Variants in ZIC2 observed in about 807,000 individuals in gnomAD.
The protein encoded by ZIC2 is zinc finger protein ZIC 2.
A neutral mutation model predicts 29.5 loss-of-function variants in ZIC2; 7 were observed. The ratio of observed to expected loss-of-function variants is 0.24; its 90% CI spans 0.14 to 0.45. ZIC2 has a LOEUF of 0.45. Among genes scored for constraint, ZIC2 ranks in the 20% least tolerant of loss-of-function variants. ZIC2 has a pLI of 1.00. For missense variants in ZIC2, 589 were observed against 781.2 expected (o/e 0.75, Z 2.93); for synonymous variants, 408 against 354.2 (o/e 1.15, Z -1.70).
chr13:99,986,520 G>A lies in ZIC2; in HGVS notation c.*838G>A, dbSNP rs1241192844. On this transcript the variant is annotated 3_prime_UTR_variant, in exon 3 of 3. Coordinates refer to ENST00000376335, the MANE Select transcript of ZIC2 (RefSeq NM_007129.5). ...AAACGTCGTGCCGTTAGCTTTTTCC[G>A]TAATAACACCCTTCCTTCTGTAAAT... 6.5e-6 allele frequency: 1 copy of A among 154,008 alleles called. No homozygotes were observed. Among genetic ancestry groups the A allele is most frequent in the Non-Finnish European group, 1.5e-5 (1 of 68,962 alleles). 9.5% of individuals were successfully genotyped at this position (154,008 alleles called of 1,614,324 possible). A position where few individuals can be genotyped will look rare whatever the true frequency, so the allele number is the denominator to read the frequency against.
chr13:99,981,956 C>G lies in ZIC2; in HGVS notation c.-109C>G, dbSNP rs1386737201. The stretch of plus-strand genomic sequence containing the variant: ...GGGCTGAAGTGGCCGCCACCACCGC[C>G]GCCTGCGCCTGGAGCCCGGTGGCCG... On this transcript the variant is annotated 5_prime_UTR_variant, in exon 1 of 3. Coordinates refer to ENST00000376335, the MANE Select transcript of ZIC2 (RefSeq NM_007129.5). The G allele has an allele frequency of 1.7e-6, 2 of 1,175,640 alleles. No individual in the cohort carries two copies. Among genetic ancestry groups the G allele is most frequent in the Non-Finnish European group, 2.1e-6 (2 of 953,918 alleles). The allele number at this position is 1,175,640 out of a possible 1,614,324, so 72.8% of individuals were successfully genotyped here. A position where few individuals can be genotyped will look rare whatever the true frequency, so the allele number is the denominator to read the frequency against.
Position 99,985,689 on chromosome 13 carries a change from G to A in ZIC2, c.*7G>A, listed in dbSNP as rs747658092. 8 of 1,339,016 alleles carry A rather than the reference G, an allele frequency of 6.0e-6. No homozygotes were observed. In the South Asian group the frequency reaches 6.4e-5, roughly 11 times the overall value. The allele number at this position is 1,339,016 out of a possible 1,614,324, so 82.9% of individuals were successfully genotyped here. ...CAATGAATGGTACGTGTGACGGGTC[G>A]GGGCCTCTCTCCCTCTCCCTGTCCC... On this transcript the variant is annotated 3_prime_UTR_variant, in exon 3 of 3. Transcript: ENST00000376335. The surrounding 1 kb of genome is among the most constrained non-coding windows in gnomAD (Gnocchi z 6.3).
chr13:99,981,981 G>T lies in ZIC2; in HGVS notation c.-84G>T. On this transcript the variant is annotated 5_prime_UTR_variant, in exon 1 of 3. Transcript: ENST00000376335. The stretch of plus-strand genomic sequence containing the variant: ...CGCCTGCGCCTGGAGCCCGGTGGCC[G>T]CCGGACGCACCGCGCGGATCGGGAG... The T allele has an allele frequency of 8.4e-7, 1 of 1,194,056 alleles. No homozygotes were observed. Among genetic ancestry groups the T allele is most frequent in the Non-Finnish European group, 1.0e-6 (1 of 965,404 alleles). 74.0% of individuals were successfully genotyped at this position (1,194,056 alleles called of 1,614,324 possible).
chr13:99,982,566 C>T lies in ZIC2; in HGVS notation c.502C>T (p.Pro168Ser). Reference sequence around the variant, plus strand: ...CCCGGGCCTGCCAGAGCAGCACGGGCCGCACGGCTCGCAGAATGTGCTCAA... The same window carrying T: ...CCCGGGCCTGCCAGAGCAGCACGGGTCGCACGGCTCGCAGAATGTGCTCAA... Reference protein sequence around the residue: ...LFPGLPEQHGPHGSQNVLNGQ... With the variant: ...LFPGLPEQHGSHGSQNVLNGQ... The change falls in exon 1 of 3, where the codon CCG becomes TCG. Residue 168 changes from proline to serine, a missense_variant. Pro to Ser is a moderately conservative substitution (Grantham distance 74, BLOSUM62 -1). Transcript: ENST00000376335. The T allele has an allele frequency of 6.4e-7, 1 of 1,558,448 alleles. No individual in the cohort carries two copies. Among genetic ancestry groups the T allele is most frequent in the Non-Finnish European group, 8.6e-7 (1 of 1,157,356 alleles).
rs1396170086 is a variant in ZIC2 at position 99,983,621 on chromosome 13, A to G, written c.1075+482A>G. On this transcript the variant is annotated intron_variant, in intron 1 of 2. Transcript: ENST00000376335. This position sits in a 1 kb window ranked among gnomAD's most constrained non-coding sequence, Gnocchi z 4.7. ...CCTTCCCGGGACTGTTTCCCATGAAATGAGTCTGGTGTGAGCCGAAGCTGT... is the reference window on the plus strand; with the variant it reads ...CCTTCCCGGGACTGTTTCCCATGAAGTGAGTCTGGTGTGAGCCGAAGCTGT... Among the ~76,000 whole-genome samples, 2 of 151,788 alleles carry G rather than the reference A, an allele frequency of 1.3e-5. No individual in the cohort carries two copies. The highest frequency in any genetic ancestry group is 2.9e-5 in the Non-Finnish European group (2 of 67,986).
chr13:99,985,832 T>A lies in ZIC2; in HGVS notation c.*150T>A, dbSNP rs1265586028. 1.6e-5 allele frequency: 5 copies of A among 317,822 alleles called. No individual in the cohort carries two copies. Among genetic ancestry groups the A allele is most frequent in the African/African-American group, 9.1e-5 (3 of 32,818 alleles). The allele number at this position is 317,822 out of a possible 1,614,324, so 19.7% of individuals were successfully genotyped here. A position where few individuals can be genotyped will look rare whatever the true frequency, so the allele number is the denominator to read the frequency against. On this transcript the variant is annotated 3_prime_UTR_variant, in exon 3 of 3. Coordinates refer to ENST00000376335, the MANE Select transcript of ZIC2 (RefSeq NM_007129.5). The surrounding 1 kb of genome is among the most constrained non-coding windows in gnomAD (Gnocchi z 6.3). ...AAATTTTACCAGCAGAAGGATTTTT[T>A]AAAGTTTTTTTTTTTTTTTTAATAA...
At position 99,982,617 on chromosome 13, in the gene ZIC2, G is replaced by A. The variant is rs543003846; in HGVS notation, c.553G>A (p.Gly185Ser). The A allele has an allele frequency of 2.0e-5, 32 of 1,590,646 alleles. 1 individual carries two copies. The South Asian group carries it at 3.1e-4, about 15-fold the overall frequency. ...CGGGCAGATGCGCCTCGGGCTGCCC[G>A]GCGAGGTGTTCGGGCGCTCGGAGCA... is the stretch of plus-strand genomic sequence containing the variant. The part of the protein sequence containing the change: ...LNGQMRLGLP[G>S]EVFGRSEQYR... The change falls in exon 1 of 3, where the codon GGC (glycine) becomes AGC (serine). Residue 185 changes from glycine to serine, a missense_variant. Around this residue, in one of 7 missense-constraint regions of ZIC2, gnomAD observed 358 missense variants for 382.0 expected, o/e 0.94. Transcript: ENST00000376335.
rs2053262868 is a variant in ZIC2, at chr13:99,985,562, C to CGGCAGT, written c.1483_1488dup (p.Ser495_Gly496dup). The CGGCAGT allele has an allele frequency of 2.0e-6, 2 of 985,988 alleles. No homozygotes were observed. Among genetic ancestry groups the CGGCAGT allele is most frequent in the Non-Finnish European group, 2.4e-6 (2 of 831,068 alleles). 61.1% of individuals were successfully genotyped at this position (985,988 alleles called of 1,614,324 possible). A position where few individuals can be genotyped will look rare whatever the true frequency, so the allele number is the denominator to read the frequency against. ...CGGGAGGCGGCTCAGGCGGCGGCAG[C>CGGCAGT]GGCAGTGGCGGGGGCGGCGGCGGGG... On this transcript the variant is annotated inframe_insertion, in exon 3 of 3. Coordinates refer to ENST00000376335, the MANE Select transcript of ZIC2 (RefSeq NM_007129.5). This position sits in a 1 kb window ranked among gnomAD's most constrained non-coding sequence, Gnocchi z 6.3.
Position 99,985,496 on chromosome 13 carries a change from G to A in ZIC2, c.1413G>A (p.Val471=), listed in dbSNP as rs1283443538. The change falls in exon 3 of 3, where the codon GTG becomes GTA. Residue 471 remains valine, a synonymous_variant. Coordinates refer to ENST00000376335, the MANE Select transcript of ZIC2 (RefSeq NM_007129.5). The surrounding 1 kb of genome is among the most constrained non-coding windows in gnomAD (Gnocchi z 6.3). ...AAAAAAAAAA[V]SAVHRGGGSG... is the part of the protein sequence containing the mutation. ...CGGCTGCGGCGGCGGCGGCCGCGGT[G>A]TCCGCGGTGCACCGGGGCGGAGGCT... The A allele has an allele frequency of 2.3e-5, 28 of 1,215,276 alleles. No individual in the cohort carries two copies. The highest frequency in any genetic ancestry group is 2.8e-5 in the Non-Finnish European group (28 of 984,556). The allele number at this position is 1,215,276 out of a possible 1,614,324, so 75.3% of individuals were successfully genotyped here.
chr13:99,984,434 C>G (rs41281116), intron 1 of ZIC2: 29,768 of 193,138 alleles, frequency 0.15, 2,718 homozygotes, highest in African/African-American at 0.26. Flanking sequence ...GTGGTTAATT[C>G]AATTTGCAGA....
chr13:99,982,303 A>G lies in ZIC2; in HGVS notation c.239A>G (p.Gln80Arg). ...SPGQSSAFTS[Q>R]GPGAYPGSAA... Reference sequence around the variant, plus strand: ...GGCCAGAGCTCGGCGTTCACGTCGCAGGGCCCCGGCGCCTACCCCGGCTCC... The same window carrying G: ...GGCCAGAGCTCGGCGTTCACGTCGCGGGGCCCCGGCGCCTACCCCGGCTCC... The change falls in exon 1 of 3, where the codon CAG becomes CGG. Residue 80 changes from glutamine (Q) to arginine (R), a missense_variant. Gln to Arg is a conservative substitution (Grantham distance 43). Transcript: ENST00000376335. The G allele has an allele frequency of 6.7e-7, 1 of 1,484,772 alleles. No homozygotes were observed. The highest frequency in any genetic ancestry group is 8.9e-7 in the Non-Finnish European group (1 of 1,119,800). The allele number at this position is 1,484,772 out of a possible 1,614,324, so 92.0% of individuals were successfully genotyped here.
chr13:99,985,621 G>T lies in ZIC2; in HGVS notation c.1538G>T (p.Gly513Val). 1 of 1,195,542 alleles carries T rather than the reference G, an allele frequency of 8.4e-7. No individual in the cohort carries two copies. The highest frequency in any genetic ancestry group is 1.1e-6 in the Non-Finnish European group (1 of 952,302). 74.1% of individuals were successfully genotyped at this position (1,195,542 alleles called of 1,614,324 possible). A position where few individuals can be genotyped will look rare whatever the true frequency, so the allele number is the denominator to read the frequency against. The part of the protein sequence containing the change: ...GGGGGGSSGG[G>V]SGTAGGHSGL... ...GGGGGCGGCGGCAGCTCTGGCGGGG[G>T]CAGCGGGACAGCCGGGGGTCACAGC... The change falls in exon 3 of 3, where the codon GGC becomes GTC. Residue 513 changes from glycine (G) to valine (V), a missense_variant. Physicochemically the swap from Gly to Val is moderately radical, Grantham distance 109 (BLOSUM62 -3). Around this residue, in one of 7 missense-constraint regions of ZIC2, gnomAD observed 135 missense variants for 136.7 expected, o/e 0.99. Coordinates refer to ENST00000376335, the MANE Select transcript of ZIC2 (RefSeq NM_007129.5). This position sits in a 1 kb window ranked among gnomAD's most constrained non-coding sequence, Gnocchi z 6.3.
Position 99,982,567 on chromosome 13 carries a change from C to A in ZIC2, c.503C>A (p.Pro168Gln), listed in dbSNP as rs1307095658. Reference protein sequence around the residue: ...LFPGLPEQHGPHGSQNVLNGQ... With the variant: ...LFPGLPEQHGQHGSQNVLNGQ... Reference sequence around the variant, plus strand: ...CCGGGCCTGCCAGAGCAGCACGGGCCGCACGGCTCGCAGAATGTGCTCAAC... The same window carrying A: ...CCGGGCCTGCCAGAGCAGCACGGGCAGCACGGCTCGCAGAATGTGCTCAAC... The change falls in exon 1 of 3, where the codon CCG becomes CAG. Residue 168 changes from proline (P) to glutamine (Q), a missense_variant. By Grantham distance (76) the Pro-to-Gln change is moderately conservative (BLOSUM62 -1). Transcript: ENST00000376335. 6.4e-7 allele frequency: 1 copy of A among 1,558,900 alleles called. No homozygotes were observed. The highest frequency in any genetic ancestry group is 1.4e-5 in the African/African-American group (1 of 73,884).
chr13:99,984,005 G>A (rs2053249689), intron 1 of ZIC2, among the ~76,000 whole-genome samples: 1 of 152,226 alleles, frequency 6.6e-6, no homozygotes, highest in African/African-American at 2.4e-5. Flanking sequence ...ATGCGCCAGC[G>A]GCCTATTGTT....
intron 1 of ZIC2, chr13:99,984,278 C>T (rs760794192): frequency 3.9e-5 from 6 of 154,892 alleles, no homozygotes; most frequent in Non-Finnish European, 8.6e-5. Flanking sequence ...GAAAATTAAA[C>T]GGGGAGGTTT....
Position 99,985,137 on chromosome 13 carries a change from C to T in ZIC2, c.1239+28C>T. The T allele has an allele frequency of 1.9e-6, 3 of 1,613,444 alleles. No homozygotes were observed. The highest frequency in any genetic ancestry group is 2.5e-6 in the Non-Finnish European group (3 of 1,179,656). On this transcript the variant is annotated intron_variant, in intron 2 of 2. Transcript: ENST00000376335. The surrounding 1 kb of genome is among the most constrained non-coding windows in gnomAD (Gnocchi z 6.3). ...ACCACCGCGGCGGCCGGGAGGAGGGCGAGGCAGGCCGAGGCGCCGGTGCAG... is the reference window on the plus strand; with the variant it reads ...ACCACCGCGGCGGCCGGGAGGAGGGTGAGGCAGGCCGAGGCGCCGGTGCAG...
chr13:99,984,840 C>A, intron 1 of ZIC2, 106 bp from the exon 2 acceptor site: 2 of 1,448,022 alleles, frequency 1.4e-6, no homozygotes, highest in Non-Finnish European at 1.9e-6. Context: ...GGACCCAGCC[C>A]CCTCAGGTCC....
intron 1 of ZIC2, chr13:99,984,347 A>G: frequency 6.1e-6 from 1 of 164,654 alleles, no homozygotes. Flanking sequence ...CTCCGCAGTC[A>G]CTAGATGCTG....
In ZIC2 at chr13:99,982,257, G is replaced by T; in HGVS notation, c.193G>T (p.Gly65Cys). The change falls in exon 1 of 3, where the codon GGC (glycine) becomes TGC (cysteine). Residue 65 changes from glycine to cysteine, a missense_variant. By Grantham distance (159) the Gly-to-Cys change is radical. Coordinates refer to ENST00000376335, the MANE Select transcript of ZIC2 (RefSeq NM_007129.5). ...AHMGAFKLNP[G>C]AHELSPGQSS... ...CATGGGAGCCTTCAAGCTCAACCCG[G>T]GCGCGCACGAGCTGTCCCCGGGCCA... 1 of 1,509,112 alleles carries T rather than the reference G, an allele frequency of 6.6e-7. No individual in the cohort carries two copies. The highest frequency in any genetic ancestry group is 8.8e-7 in the Non-Finnish European group (1 of 1,134,898). The allele number at this position is 1,509,112 out of a possible 1,614,324, so 93.5% of individuals were successfully genotyped here.
Sources: allele counts gnomAD v4.1 joint callset (sites outside exome capture counted in the v4.1 genomes callset), GRCh38; gene constraint gnomAD v4.1.1; regional missense constraint gnomAD v4.1.1; non-coding constraint Gnocchi (gnomAD v3.1); transcripts MANE v1.5; gene names NCBI Gene and HGNC (gene_info 2026-07-23, HGNC 2026-07-21).